Variants in ADAMTS6 observed in about 807,000 individuals in gnomAD.
The protein encoded by ADAMTS6 is A disintegrin and metalloproteinase with thrombospondin motifs 6.
In ADAMTS6, 23 loss-of-function variants were observed where a neutral mutation model predicts 144.3. The observed-to-expected ratio is 0.16, with a 90% confidence interval of 0.11 to 0.23. ADAMTS6 has a LOEUF of 0.23. Among genes scored for constraint, ADAMTS6 ranks in the 10% least tolerant of loss-of-function variants. The pLI, the probability that ADAMTS6 is intolerant of heterozygous loss-of-function variation, is 1.00. For synonymous variants in ADAMTS6, 444 were observed against 457.5 expected (o/e 0.97, Z 0.38); for missense variants, 999 against 1,379.6 (o/e 0.72, Z 4.37).
At chr5:65,444,734 A>T (rs1205482387) in intron 7 of ADAMTS6, among the ~76,000 whole-genome samples, 2 of 152,158 alleles carry the variant, frequency 1.3e-5, no homozygotes, top group Non-Finnish European at 2.9e-5. Context: ...CCATCCTAGA[A>T]GTCTGCCTAC....
chr5:65,415,187 T>G (rs1211845184), intron 7 of ADAMTS6, among the ~76,000 whole-genome samples: 1 of 152,166 alleles, frequency 6.6e-6, no homozygotes, highest in Non-Finnish European at 1.5e-5. Flanking sequence ...TTAATAGACA[T>G]TTCTCCAAAG....
intron 7 of ADAMTS6, among the ~76,000 whole-genome samples, chr5:65,366,321 A>G (rs1750303551): frequency 1.3e-5 from 2 of 152,248 alleles, no homozygotes; most frequent in South Asian, 4.1e-4. Flanking sequence ...TTATAAAAGT[A>G]CTATCTATAA....
chr5:65,348,461 T>C (rs1338935939), intron 7 of ADAMTS6, among the ~76,000 whole-genome samples: 1 of 151,878 alleles, frequency 6.6e-6, no homozygotes, highest in Non-Finnish European at 1.5e-5. Flanking sequence ...TCTCAACTCA[T>C]AGAAGTAGAG....
intron 14 of ADAMTS6, among the ~76,000 whole-genome samples, chr5:65,260,162 G>A (rs1399485039): frequency 1.3e-5 from 2 of 152,142 alleles, no homozygotes; most frequent in African/African-American, 4.8e-5. Flanking sequence ...TAGTTGGGCA[G>A]GGATACAAAA....
chr5:65,341,704 A>T (rs1747841822), intron 7 of ADAMTS6, among the ~76,000 whole-genome samples: 1 of 152,144 alleles, frequency 6.6e-6, no homozygotes, highest in Admixed American at 6.5e-5. Flanking sequence ...TAATAAAAAG[A>T]CTTCTAAGAA....
At chr5:65,385,978 A>G (rs1042419220) in intron 7 of ADAMTS6, among the ~76,000 whole-genome samples, 1 of 152,192 alleles carries the variant, frequency 6.6e-6, no homozygotes, top group Non-Finnish European at 1.5e-5. Flanking sequence ...TTCTATGGTT[A>G]GAGAAAAGAT....
intron 15 of ADAMTS6, among the ~76,000 whole-genome samples, chr5:65,241,056 C>T (rs551964946): frequency 9.2e-5 from 14 of 151,416 alleles, no homozygotes; most frequent in African/African-American, 2.7e-4. Flanking sequence ...TCAAAAAGTA[C>T]GATGGATTAA....
intron 4 of ADAMTS6, among the ~76,000 whole-genome samples, chr5:65,454,816 G>A (rs1419194886): frequency 6.6e-6 from 1 of 152,148 alleles, no homozygotes; most frequent in Non-Finnish European, 1.5e-5. Context: ...AACTATGGGG[G>A]TAGAGAAGTG....
chr5:65,443,148 A>G (rs1182984130), intron 7 of ADAMTS6, among the ~76,000 whole-genome samples: 1 of 152,182 alleles, frequency 6.6e-6, no homozygotes, highest in Non-Finnish European at 1.5e-5. Flanking sequence ...ATACATGTGC[A>G]TGTATCTTTA....
At chr5:65,409,088 A>T (rs142123016) in intron 7 of ADAMTS6, among the ~76,000 whole-genome samples, 5,295 of 152,308 alleles carry the variant, frequency 0.035, 164 homozygotes, top group East Asian at 0.096. Flanking sequence ...CGATTAAAAG[A>T]ACTAGAGAAG....
At chr5:65,208,708 T>C (rs1756289261) in intron 20 of ADAMTS6, among the ~76,000 whole-genome samples, 1 of 152,180 alleles carries the variant, frequency 6.6e-6, no homozygotes, top group South Asian at 2.1e-4. Flanking sequence ...CCAGAAAATG[T>C]TTTAAACTTT....
At chr5:65,170,334 G>A (rs193016299) in intron 24 of ADAMTS6, among the ~76,000 whole-genome samples, 5 of 152,260 alleles carry the variant, frequency 3.3e-5, no homozygotes, top group Non-Finnish European at 7.4e-5. Context: ...ATCAAACTTA[G>A]AATACAAGGC....
In ADAMTS6 at chr5:65,429,521, A is replaced by G. The variant is rs188813753; in HGVS notation, c.1073+21954T>C. 2.0e-5 allele frequency among the ~76,000 whole-genome samples: 3 copies of G among 152,190 alleles called. No homozygotes were observed. The East Asian group carries it at 5.8e-4, about 29-fold the overall frequency. On this transcript the variant is annotated intron_variant, in intron 7 of 24. Coordinates refer to ENST00000381055, the MANE Select transcript of ADAMTS6 (RefSeq NM_197941.4). The stretch of plus-strand genomic sequence containing the variant: ...GTACCTACAAAAATAAAAAATAAAT[A>G]AAAATTTTAAAAATATATTAAACTT...
At chr5:65,404,608 A>G (rs1452809123) in intron 7 of ADAMTS6, among the ~76,000 whole-genome samples, 21 of 152,244 alleles carry the variant, frequency 1.4e-4, no homozygotes, top group East Asian at 1.2e-3. Flanking sequence ...ATAAACATAC[A>G]TGTGCATGTG....
intron 18 of ADAMTS6, among the ~76,000 whole-genome samples, chr5:65,221,930 T>C (rs931776629): frequency 6.6e-6 from 1 of 152,184 alleles, no homozygotes; most frequent in Non-Finnish European, 1.5e-5. Context: ...AGAACATGTG[T>C]GCAAGACCTA....
At position 65,348,415 on chromosome 5, in the gene ADAMTS6, A is replaced by T. The variant is rs567562582; in HGVS notation, c.1074-14330T>A. Among the ~76,000 whole-genome samples the T allele has an allele frequency of 5.3e-4, 80 of 152,280 alleles. No individual in the cohort carries two copies. In the South Asian group the frequency reaches 9.3e-3, roughly 18 times the overall value. ...TGAAATAAGCCAGGCACAGAGGGAC[A>T]AATACTGTATGGTCTCATATATGGG... On this transcript the variant is annotated intron_variant, in intron 7 of 24. Transcript: ENST00000381055.
At chr5:65,317,554 A>C (rs1356940071) in intron 9 of ADAMTS6, among the ~76,000 whole-genome samples, 1 of 152,232 alleles carries the variant, frequency 6.6e-6, no homozygotes, top group Non-Finnish European at 1.5e-5. Context: ...AAAAATGGAC[A>C]AATGGGATCA....
intron 24 of ADAMTS6, among the ~76,000 whole-genome samples, chr5:65,170,267 A>AGT (rs2112068106): frequency 6.6e-6 from 1 of 152,384 alleles, no homozygotes; most frequent in South Asian, 2.1e-4. Flanking sequence ...AAAAAGAAAC[A>AGT]GAAGTTTGCA....
intron 14 of ADAMTS6, among the ~76,000 whole-genome samples, chr5:65,254,878 G>A (rs538143570): frequency 1.2e-4 from 18 of 152,184 alleles, no homozygotes; most frequent in Non-Finnish European, 1.9e-4. Context: ...ACAAGAAGGA[G>A]GAGAACTTCT....
Sources: gnomAD v4.1 joint callset for allele counts (sites outside exome capture counted in the v4.1 genomes callset) on GRCh38, gnomAD v4.1.1 for gene constraint, MANE v1.5 for transcripts, NCBI Gene and HGNC (gene_info 2026-07-23, HGNC 2026-07-21) for gene names.